TVP23A: variants seen among roughly 807,000 people sequenced by gnomAD.
The protein encoded by TVP23A is trans-golgi network vesicle protein 23 homolog A.
A neutral mutation model predicts 31.7 loss-of-function variants in TVP23A; 21 were observed. That is an observed-to-expected ratio of 0.66 (90% CI 0.47 to 0.95). The LOEUF (loss-of-function observed/expected upper bound fraction) is 0.95. Ranked by LOEUF, TVP23A falls within the 40% of genes least tolerant of loss-of-function variation. The pLI is 0.00. For missense variants in TVP23A, 279 were observed against 255.6 expected (o/e 1.09, Z -0.62); for synonymous variants, 104 against 96.0 (o/e 1.08, Z -0.49).
At chr16:10,771,484 G>A (rs773476561) in intron 6 of TVP23A, among the ~76,000 whole-genome samples, 186 bp downstream of exon 6, 1 of 152,172 alleles carries the variant, frequency 6.6e-6, no homozygotes, top group African/African-American at 2.4e-5. Context: ...GCAATAGGCC[G>A]CGATCACACC....
At chr16:10,817,671 C>A (rs1179240431) in intron 2 of TVP23A, among the ~76,000 whole-genome samples, 6 of 152,186 alleles carry the variant, frequency 3.9e-5, no homozygotes, top group Non-Finnish European at 5.9e-5. Context: ...TACAACATAG[C>A]CCCAGGGCCT....
At chr16:10,771,626 T>C (rs1286392237) in intron 6 of TVP23A, 44 bp downstream of exon 6, 2 of 1,605,152 alleles carry the variant, frequency 1.2e-6, no homozygotes, top group East Asian at 4.5e-5. Flanking sequence ...TGACTTTGAC[T>C]ACCTGGAGAG....
downstream of TVP23A, chr16:10,757,798 T>TAAA: frequency 1.6e-6 from 2 of 1,222,236 alleles, no homozygotes; most frequent in Non-Finnish European, 2.2e-6. This position sits in a 1 kb window ranked among gnomAD's most constrained non-coding sequence, Gnocchi z 4.1. Flanking sequence ...CCCCATCCTT[T>TAAA]AAAAAAAAAA....
intron 7 of TVP23A, 80 bp downstream of exon 7, chr16:10,770,192 C>T: frequency 6.6e-7 from 1 of 1,523,734 alleles, no homozygotes. Context: ...CCACCCAGAC[C>T]CCGGGCCCCT....
At chr16:10,761,348 C>T (rs377298156) in exon 9 of TVP23A, 31 of 1,611,878 alleles carry the variant, frequency 1.9e-5, no homozygotes, top group Non-Finnish European at 2.5e-5. Context: ...AATCACTGGT[C>T]TTTTCACCTT....
downstream of TVP23A, among the ~76,000 whole-genome samples, chr16:10,762,971 C>T (rs1013853847): frequency 1.3e-5 from 2 of 151,678 alleles, no homozygotes; most frequent in East Asian, 1.9e-4. Flanking sequence ...GAGTGGCTGC[C>T]CTGGGATAGG....
downstream of TVP23A, chr16:10,761,814 T>C (rs751415544): frequency 6.2e-7 from 1 of 1,614,112 alleles, no homozygotes; most frequent in Admixed American, 1.7e-5. Flanking sequence ...GTGCCAGGAC[T>C]TGGAGGTCCC....
At chr16:10,770,785 C>A (rs1443078673) in intron 6 of TVP23A, among the ~76,000 whole-genome samples, 1 of 145,408 alleles carries the variant, frequency 6.9e-6, no homozygotes, top group Non-Finnish European at 1.5e-5. Context: ...GCAGGAGAAT[C>A]ACTTGAACCC....
intron 2 of TVP23A, among the ~76,000 whole-genome samples, chr16:10,789,750 G>C (rs540075252): frequency 6.8e-6 from 1 of 147,272 alleles, no homozygotes; most frequent in East Asian, 2.1e-4. Flanking sequence ...CAAAAGGCTT[G>C]AACCCAAGAG....
At chr16:10,770,060 G>A (rs535180301) in intron 7 of TVP23A, among the ~76,000 whole-genome samples, 1 of 152,116 alleles carries the variant, frequency 6.6e-6, no homozygotes, top group Admixed American at 6.5e-5. Flanking sequence ...GTGTGACCTC[G>A]CCCCCCGACC....
chr16:10,811,200 G>A (rs959569675), intron 2 of TVP23A, among the ~76,000 whole-genome samples: 1 of 152,166 alleles, frequency 6.6e-6, no homozygotes, highest in Non-Finnish European at 1.5e-5. Flanking sequence ...CCTTGTGAAT[G>A]TATCAAAATC....
At chr16:10,775,790 C>T (rs1346271521) in intron 2 of TVP23A, among the ~76,000 whole-genome samples, 1 of 139,580 alleles carries the variant, frequency 7.2e-6, no homozygotes, top group Non-Finnish European at 1.5e-5. Context: ...GCTCTGTCCC[C>T]TAGGCTGGAG....
chr16:10,783,726 A>G (rs7190465), intron 2 of TVP23A, among the ~76,000 whole-genome samples: 6,155 of 152,286 alleles, frequency 0.04, 400 homozygotes, highest in African/African-American at 0.14. Context: ...ACCATGGTAC[A>G]TCCAGACAAC....
In TVP23A at chr16:10,768,784, C is replaced by A; in HGVS notation, c.*318G>T. 1 of 390,296 alleles carries A rather than the reference C, an allele frequency of 2.6e-6. No homozygotes were observed. Among genetic ancestry groups the A allele is most frequent in the Non-Finnish European group, 4.6e-6 (1 of 219,160 alleles). 24.2% of individuals were successfully genotyped at this position (390,296 alleles called of 1,614,324 possible). A position where few individuals can be genotyped will look rare whatever the true frequency, so the allele number is the denominator to read the frequency against. On this transcript the variant is annotated 3_prime_UTR_variant, in exon 8 of 8. Coordinates refer to ENST00000299866, the MANE Select transcript of TVP23A (RefSeq NM_001079512.4). The surrounding 1 kb of genome is among the most constrained non-coding windows in gnomAD (Gnocchi z 4.3). ...TTTTACTTGCCTAGAAGAATGATGT[C>A]AAGGGTAAGGAAACAGCATTCCCAG...
At chr16:10,761,700 C>A, downstream of TVP23A, 1 of 1,354,934 alleles carries the variant, frequency 7.4e-7, no homozygotes, top group Non-Finnish European at 1.0e-6. Context: ...AAATGTGGTC[C>A]ATCCTTGTGA....
chr16:10,769,232 C>G (rs966896387), intron 7 of TVP23A, 131 bp from the exon 8 acceptor site: 1 of 721,626 alleles, frequency 1.4e-6, no homozygotes, highest in Non-Finnish European at 2.4e-6. Flanking sequence ...TGGTGTGGTC[C>G]GAAGCCACTT....
chr16:10,808,453 A>G (rs944968189), intron 2 of TVP23A: 2 of 452,374 alleles, frequency 4.4e-6, no homozygotes, highest in African/African-American at 4.0e-5. Flanking sequence ...ACCACAGGAC[A>G]ATGATCTTCT....
chr16:10,764,375 G>C (rs2142792906), downstream of TVP23A, among the ~76,000 whole-genome samples: 1 of 152,038 alleles, frequency 6.6e-6, no homozygotes, highest in South Asian at 2.1e-4. Flanking sequence ...GAGTATGCCA[G>C]TCTGTTGGAG....
At chr16:10,760,785 G>A (rs1172165474), downstream of TVP23A, 1 of 152,346 alleles carries the variant, frequency 6.6e-6, no homozygotes, top group Non-Finnish European at 1.5e-5. Flanking sequence ...ATTTGGCTGT[G>A]TGGGAAGTAA....
Sources: gnomAD v4.1 joint callset for allele counts (sites outside exome capture counted in the v4.1 genomes callset) on GRCh38, gnomAD v4.1.1 for gene constraint, Gnocchi (gnomAD v3.1) non-coding constraint, MANE v1.5 for transcripts, NCBI Gene and HGNC (gene_info 2026-07-23, HGNC 2026-07-21) for gene names.